The following RP1 variants were observed in gnomAD, a reference collection of about 807,000 sequenced individuals.
RP1 encodes oxygen-regulated protein 1.
A neutral mutation model predicts 14.8 loss-of-function variants in RP1; 16 were observed. The observed-to-expected ratio is 1.08, with a 90% confidence interval of 0.73 to 1.65. The LOEUF (loss-of-function observed/expected upper bound fraction) is 1.65, where lower values mean the gene tolerates loss of function less well. Ranked by LOEUF, RP1 falls within the 40% of genes most tolerant of loss-of-function variation. The probability of loss-of-function intolerance (pLI) is 0.00; values close to 1 mark genes in which losing one functional copy is unlikely to be tolerated. For synonymous variants in RP1, 876 were observed against 883.6 expected (o/e 0.99, Z 0.15); for missense variants, 2,631 against 2,535.0 (o/e 1.04, Z -0.81).
At chr8:54,841,744 G>A (rs574474922) in intron 25 of RP1, among the ~76,000 whole-genome samples, 2 of 152,316 alleles carry the variant, frequency 1.3e-5, no homozygotes, top group African/African-American at 2.4e-5. Flanking sequence ...TTAGTTAACG[G>A]CCTGGCAGTG....
chr8:54,616,656 C>A (rs1198280998), intron 1 of RP1, among the ~76,000 whole-genome samples: 1 of 152,238 alleles, frequency 6.6e-6, no homozygotes, highest in Non-Finnish European at 1.5e-5. Context: ...TTTCTTGCAA[C>A]ATCAAGTCTC....
At chr8:54,663,622 AGAG>A in intron 6 of RP1, 2 of 1,334,606 alleles carry the variant, frequency 1.5e-6, no homozygotes, top group South Asian at 2.0e-5. Context: ...ACCATGGATA[AGAG>A]GAGATTTCTG....
chr8:54,577,708 C>T (rs998344694), intron 1 of RP1, among the ~76,000 whole-genome samples: 2 of 152,130 alleles, frequency 1.3e-5, no homozygotes, highest in African/African-American at 4.8e-5. Context: ...GTGATATCCT[C>T]CTCATATTGT....
At chr8:54,691,079 A>T (rs1202700571) in intron 12 of RP1, among the ~76,000 whole-genome samples, 1 of 152,048 alleles carries the variant, frequency 6.6e-6, no homozygotes, top group African/African-American at 2.4e-5. Flanking sequence ...AGAGATAGCC[A>T]CGAATGGATT....
chr8:54,621,503 C>T lies in RP1; in HGVS notation c.537C>T (p.Ser179=). The T allele has an allele frequency of 1.2e-6, 2 of 1,614,160 alleles. No homozygotes were observed. Among genetic ancestry groups the T allele is most frequent in the Non-Finnish European group, 1.7e-6 (2 of 1,180,036 alleles). Residue 179 remains serine, a synonymous_variant, in exon 2 of 4, where the codon AGC becomes AGT. Transcript: ENST00000220676. The part of the protein sequence containing the change: ...AVLLSRRVTQ[S]FEAFLQHLTE... Reference sequence around the variant, plus strand: ...TTCTGAGCAGGAGGGTCACCCAGAGCTTCGAGGCATTTCTACAGCACCTGA... The same window carrying T: ...TTCTGAGCAGGAGGGTCACCCAGAGTTTCGAGGCATTTCTACAGCACCTGA...
At chr8:54,695,012 A>G (rs955880575) in intron 12 of RP1, among the ~76,000 whole-genome samples, 9 of 151,244 alleles carry the variant, frequency 6.0e-5, no homozygotes, top group Non-Finnish European at 1.0e-4. Context: ...AGATTCTGGT[A>G]TGTTGCGTCT....
At chr8:54,580,915 C>A (rs1475111853) in intron 1 of RP1, among the ~76,000 whole-genome samples, 1 of 152,098 alleles carries the variant, frequency 6.6e-6, no homozygotes, top group South Asian at 2.1e-4. Context: ...CTGCGCCTGG[C>A]CCAACATATA....
At chr8:54,759,588 G>A (rs1385304514) in intron 22 of RP1, among the ~76,000 whole-genome samples, 1 of 152,086 alleles carries the variant, frequency 6.6e-6, no homozygotes, top group Admixed American at 6.6e-5. Context: ...GTACTGCCTC[G>A]GCTTGAGACA....
intron 1 of RP1, among the ~76,000 whole-genome samples, chr8:54,601,511 A>G (rs1805288080): frequency 6.6e-6 from 1 of 151,032 alleles, no homozygotes; most frequent in East Asian, 1.9e-4. Context: ...AGCATGTCAC[A>G]TGTATACATA....
At chr8:54,767,764 C>A (rs1809796226) in intron 22 of RP1, among the ~76,000 whole-genome samples, 1 of 152,106 alleles carries the variant, frequency 6.6e-6, no homozygotes, top group African/African-American at 2.4e-5. Context: ...GATACATAAA[C>A]CAAAACATAA....
chr8:54,696,672 G>T (rs1013651944), intron 12 of RP1: 2 of 788,784 alleles, frequency 2.5e-6, no homozygotes, highest in South Asian at 1.5e-5. Context: ...TTTGTTGTAC[G>T]CATCAAAAGG....
At chr8:54,680,908 A>T (rs565908666) in intron 12 of RP1, among the ~76,000 whole-genome samples, 2 of 151,670 alleles carry the variant, frequency 1.3e-5, no homozygotes, top group South Asian at 2.1e-4. Context: ...CAGTGAGCCG[A>T]GATAGAGCCA....
At chr8:54,853,766 AAGAGAAAGGAAGGAAGAGAAAGAAAGAG>A (rs1812112466) in intron 26 of RP1, among the ~76,000 whole-genome samples, 9 of 144,328 alleles carry the variant, frequency 6.2e-5, no homozygotes, top group African/African-American at 2.4e-4. Context: ...GAGAGAAAGA[AAGAGAAAGGAAGGAAGAGAAAGAAAGAG>A]AGAGAGAAAG....
chr8:54,729,136 C>T lies in RP1; in HGVS notation c.2521+2660C>T, dbSNP rs148154577. Among the ~76,000 whole-genome samples the T allele has an allele frequency of 1.6e-3, 247 of 152,316 alleles. 2 individuals are homozygous for T. Among genetic ancestry groups the T allele is most frequent in the African/African-American group, 5.6e-3 (233 of 41,570 alleles). On this transcript the variant is annotated intron_variant, in intron 17 of 22. Transcript: ENST00000636932. ...AAAAGAGAAGACTTATGATTTGATGCTCTGAACTGAAATTGCCCTTAGATA... is the reference window on the plus strand; with the variant it reads ...AAAAGAGAAGACTTATGATTTGATGTTCTGAACTGAAATTGCCCTTAGATA...
At chr8:54,783,576 G>A in exon 24 of RP1, 1 of 1,231,530 alleles carries the variant, frequency 8.1e-7, no homozygotes, top group East Asian at 3.2e-5. Flanking sequence ...CATTGTCACT[G>A]GGGATCTTGA....
At position 54,824,962 on chromosome 8, in the gene RP1, T is replaced by TA. The variant is rs1554537151; in HGVS notation, c.3616-12488_3616-12487insA. Among the ~76,000 whole-genome samples the TA allele has an allele frequency of 5.1e-3, 359 of 70,262 alleles. 1 individual carries two copies. The highest frequency in any genetic ancestry group is 9.5e-3 in the Non-Finnish European group (276 of 29,144). 46.1% of individuals were successfully genotyped at this position (70,262 alleles called of 152,430 possible). A position where few individuals can be genotyped will look rare whatever the true frequency, so the allele number is the denominator to read the frequency against. ...AGCTAACACTATTCTTTTTCTTTCT[T>TA]TTTTTTTTTTAATTTATTTATGAGA... On this transcript the variant is annotated intron_variant, in intron 24 of 28. Coordinates refer to the RP1 transcript ENST00000637698.
chr8:54,852,688 A>C, exon 26 of RP1: 3 of 1,232,106 alleles, frequency 2.4e-6, no homozygotes, highest in Non-Finnish European at 3.0e-6. Context: ...CGAAGACTTC[A>C]TCAGTCCAAA....
chr8:54,739,097 A>C (rs1585650226), intron 19 of RP1: 2 of 1,146,666 alleles, frequency 1.7e-6, no homozygotes, highest in Non-Finnish European at 1.2e-6. Context: ...TGGCTATGTA[A>C]AGCAGTGAAA....
At position 54,627,693 on chromosome 8, in the gene RP1, A is replaced by C. The variant is rs770305929; in HGVS notation, c.3811A>C (p.Lys1271Gln). ...MCTVNKAYSP[K>Q]ETCNPSDTFF... ...CACTGTAAATAAGGCTTATTCTCCAAAAGAGACATGTAACCCCAGTGACAC... is the reference window on the plus strand; with the variant it reads ...CACTGTAAATAAGGCTTATTCTCCACAAGAGACATGTAACCCCAGTGACAC... Residue 1271 changes from lysine (K) to glutamine (Q), a missense_variant, in exon 4 of 4, where the codon AAA becomes CAA. By Grantham distance (53) the Lys-to-Gln change is moderately conservative. Transcript: ENST00000220676. 1 of 1,614,052 alleles carries C rather than the reference A, an allele frequency of 6.2e-7. No individual in the cohort carries two copies. The highest frequency in any genetic ancestry group is 1.3e-5 in the African/African-American group (1 of 74,944).
Sources: gnomAD v4.1 joint callset for allele counts (sites outside exome capture counted in the v4.1 genomes callset) on GRCh38, gnomAD v4.1.1 for gene constraint, MANE v1.5 for transcripts, NCBI Gene and HGNC (gene_info 2026-07-23, HGNC 2026-07-21) for gene names.